Variants in CACUL1 observed in about 807,000 individuals in gnomAD.
CACUL1 encodes CDK2-associated and cullin domain-containing protein 1.
CACUL1 carries 13 observed loss-of-function variants against 45.2 expected under a neutral mutation model. That is an observed-to-expected ratio of 0.29 (90% confidence interval 0.19 to 0.46). The LOEUF (loss-of-function observed/expected upper bound fraction) is 0.46. CACUL1 is among the 20% of genes least tolerant of loss of function. CACUL1 has a pLI of 1.00. For synonymous variants in CACUL1, 197 were observed against 174.2 expected (o/e 1.13, Z -1.03); for missense variants, 421 against 471.4 (o/e 0.89, Z 0.99).
chr10:118,725,272 A>T (rs1845641597), intron 3 of CACUL1, among the ~76,000 whole-genome samples: 1 of 152,210 alleles, frequency 6.6e-6, no homozygotes, highest in South Asian at 2.1e-4. Context: ...GTTCAACACC[A>T]GCCTGGGCAA....
chr10:118,733,223 GA>G (rs1845713080), intron 1 of CACUL1, among the ~76,000 whole-genome samples: 1 of 152,088 alleles, frequency 6.6e-6, no homozygotes, highest in Non-Finnish European at 1.5e-5. Flanking sequence ...ACTCACTACA[GA>G]AACAGTGACT....
chr10:118,700,716 CAA>C (rs59032746), intron 5 of CACUL1, among the ~76,000 whole-genome samples: 2 of 132,924 alleles, frequency 1.5e-5, no homozygotes, highest in Admixed American at 8.0e-5. Context: ...GACTCCGTCT[CAA>C]AAAAAAAAAA....
chr10:118,729,654 G>C (rs1048096541), intron 2 of CACUL1, among the ~76,000 whole-genome samples: 10 of 152,192 alleles, frequency 6.6e-5, no homozygotes, highest in Non-Finnish European at 1.2e-4. Context: ...GAATCTAATA[G>C]TAGGTGAGAA....
intron 7 of CACUL1, 85 bp from the exon 8 acceptor site, chr10:118,686,726 A>G: frequency 3.1e-6 from 3 of 983,006 alleles, no homozygotes; most frequent in East Asian, 2.4e-5. Context: ...ATAAAAGTAT[A>G]GCAGACATTT....
intron 5 of CACUL1, among the ~76,000 whole-genome samples, chr10:118,697,895 T>C (rs1438192235): frequency 1.3e-5 from 2 of 152,196 alleles, no homozygotes; most frequent in Non-Finnish European, 2.9e-5. Context: ...AGCCTAGTAG[T>C]TTACTTTCAG....
chr10:118,687,524 C>T (rs1845219972), intron 7 of CACUL1, among the ~76,000 whole-genome samples: 1 of 152,084 alleles, frequency 6.6e-6, no homozygotes, highest in South Asian at 2.1e-4. Context: ...GATCCCAAGC[C>T]AAGCCACAGT....
Position 118,682,302 on chromosome 10 carries a change from T to A in CACUL1, c.*3826A>T, listed in dbSNP as rs751087400. ...TGTATGTTCATAAAACAATGCTCAG[T>A]TATTTTAATAGCTGCTTATGAAACA... On this transcript the variant is annotated 3_prime_UTR_variant, in exon 9 of 9. Transcript: ENST00000369151. The A allele has an allele frequency of 2.0e-5, 3 of 152,234 alleles. No individual in the cohort carries two copies. The highest frequency in any genetic ancestry group is 4.4e-5 in the Non-Finnish European group (3 of 68,038). 9.4% of individuals were successfully genotyped at this position (152,234 alleles called of 1,614,324 possible).
intron 1 of CACUL1, among the ~76,000 whole-genome samples, chr10:118,740,353 T>C (rs950591209): frequency 4.6e-5 from 7 of 152,164 alleles, no homozygotes; most frequent in Non-Finnish European, 1.0e-4. Context: ...CTCACACCTG[T>C]AATCCCAGCA....
intron 6 of CACUL1, among the ~76,000 whole-genome samples, chr10:118,694,472 C>G (rs1000420577): frequency 2.0e-5 from 3 of 152,170 alleles, no homozygotes; most frequent in African/African-American, 7.2e-5. Flanking sequence ...TGTAGAACAA[C>G]GTTCTATCCT....
intron 3 of CACUL1, among the ~76,000 whole-genome samples, chr10:118,713,446 C>T (rs988448892): frequency 1.3e-4 from 20 of 152,154 alleles, no homozygotes; most frequent in African/African-American, 4.8e-4. Flanking sequence ...CACCTGTTGA[C>T]GCCTCCCTGC....
chr10:118,687,176 C>T (rs1451539028), intron 7 of CACUL1, among the ~76,000 whole-genome samples: 3 of 152,128 alleles, frequency 2.0e-5, no homozygotes, highest in Admixed American at 6.5e-5. Context: ...AGCCCTCTGT[C>T]GCTGGTCATC....
chr10:118,740,134 G>C (rs11198584), intron 1 of CACUL1, among the ~76,000 whole-genome samples: 2 of 152,038 alleles, frequency 1.3e-5, no homozygotes, highest in South Asian at 2.1e-4. Flanking sequence ...GCGACAGAGC[G>C]GGACTCTGTC....
At chr10:118,700,400 C>A (rs1040015538) in intron 5 of CACUL1, among the ~76,000 whole-genome samples, 17 of 151,942 alleles carry the variant, frequency 1.1e-4, no homozygotes, top group Admixed American at 6.6e-5. Context: ...CTACCTACTG[C>A]GAGGGGGAAG....
At position 118,754,718 on chromosome 10, in the gene CACUL1, C is replaced by A; in HGVS notation, c.45G>T (p.Ala15=). 6.2e-7 allele frequency: 1 copy of A among 1,604,482 alleles called. No individual in the cohort carries two copies. The highest frequency in any genetic ancestry group is 8.5e-7 in the Non-Finnish European group (1 of 1,176,456). Residue 15 remains alanine (A), a synonymous_variant, in exon 1 of 9, where the codon GCG becomes GCT. Coordinates refer to ENST00000369151, the MANE Select transcript of CACUL1 (RefSeq NM_153810.5). ...TGTTGTGGTTCTGGTCGTCCATCAT[C>A]GCCTCGTAGCTGCCCCCCTCCTCCT... ...MEEEEGGSYE[A]MMDDQNHNNW... is the part of the protein sequence containing the mutation.
chr10:118,739,527 C>A (rs1845772505), intron 1 of CACUL1, among the ~76,000 whole-genome samples: 2 of 152,286 alleles, frequency 1.3e-5, no homozygotes, highest in South Asian at 2.1e-4. Flanking sequence ...GTTAAGAATT[C>A]TATACCCAAA....
intron 7 of CACUL1, 95 bp from the exon 8 acceptor site, chr10:118,686,736 T>G (rs1845211678): frequency 1.1e-6 from 1 of 903,312 alleles, no homozygotes. Flanking sequence ...AGCAGACATT[T>G]CAGTTCTAAC....
chr10:118,749,046 C>T (rs559799195), intron 1 of CACUL1, among the ~76,000 whole-genome samples: 208 of 152,284 alleles, frequency 1.4e-3, no homozygotes, highest in African/African-American at 4.8e-3. Context: ...ATAAATTTGT[C>T]ATGTTCTAAC....
intron 3 of CACUL1, among the ~76,000 whole-genome samples, chr10:118,727,413 A>AC (rs1024644392): frequency 3.1e-4 from 47 of 151,446 alleles, no homozygotes; most frequent in African/African-American, 9.0e-4. Flanking sequence ...TAAAAAAAAA[A>AC]AAAACACTAA....
chr10:118,707,701 C>CAAAA (rs879008510), intron 3 of CACUL1, 114 bp from the exon 4 acceptor site: 4,036 of 330,812 alleles, frequency 0.012, 152 homozygotes, highest in African/African-American at 0.11. Flanking sequence ...TCACAATTAA[C>CAAAA]AAAAAAAAAA....
Sources: allele counts gnomAD v4.1 joint callset (sites outside exome capture counted in the v4.1 genomes callset), GRCh38; gene constraint gnomAD v4.1.1; transcripts MANE v1.5; gene names NCBI Gene and HGNC (gene_info 2026-07-23, HGNC 2026-07-21).